Variants in WASHC4 observed in about 807,000 individuals in gnomAD.
WASHC4 encodes the protein WASH complex subunit 4, also known as WASH complex subunit 7.
In WASHC4, 86 loss-of-function variants were observed where a neutral mutation model predicts 166.6. The observed-to-expected ratio is 0.52, with a 90% CI of 0.43 to 0.62. WASHC4 has a LOEUF of 0.62. Among genes scored for constraint, WASHC4 ranks in the 20% least tolerant of loss-of-function variants. The pLI is 0.00. For synonymous variants in WASHC4, 446 were observed against 451.6 expected, an observed-to-expected ratio of 0.99 and a Z score of 0.16; for missense variants, 1,262 against 1,382.4, an observed-to-expected ratio of 0.91 and a Z score of 1.38.
intron 21 of WASHC4, 78 bp from the exon 22 acceptor site, chr12:105,144,640 G>A: frequency 4.5e-6 from 2 of 442,952 alleles, no homozygotes; most frequent in East Asian, 1.4e-4. Context: ...TCAAGGACAA[G>A]TTGTTGTTTT....
intron 32 of WASHC4, among the ~76,000 whole-genome samples, chr12:105,165,460 T>G (rs1285596997): frequency 6.6e-6 from 1 of 152,200 alleles, no homozygotes; most frequent in Non-Finnish European, 1.5e-5. Flanking sequence ...ATGGATATTA[T>G]ATAGCATACA....
rs1345000952 is a variant in WASHC4, at chr12:105,164,675, C to G, written c.3389C>G (p.Ala1130Gly). 2 of 1,613,268 alleles carry G rather than the reference C, an allele frequency of 1.2e-6. No homozygotes were observed. The highest frequency in any genetic ancestry group is 1.7e-6 in the Non-Finnish European group (2 of 1,179,544). ...FELLYFSLSSARIFFRADKTA... is the reference protein window; with the variant it reads ...FELLYFSLSSGRIFFRADKTA... Reference sequence around the variant, plus strand: ...TTGCTGTATTTCTCACTGAGCAGTGCAAGAATTTTCTTCAGAGCAGACAAG... The same window carrying G: ...TTGCTGTATTTCTCACTGAGCAGTGGAAGAATTTTCTTCAGAGCAGACAAG... The change falls in exon 32 of 33, where the codon GCA becomes GGA. Residue 1130 changes from alanine to glycine, a missense_variant. Transcript: ENST00000332180.
intron 27 of WASHC4, among the ~76,000 whole-genome samples, 199 bp from the exon 28 acceptor site, chr12:105,157,037 T>C (rs1884206468): frequency 6.6e-6 from 1 of 152,232 alleles, no homozygotes; most frequent in African/African-American, 2.4e-5. Context: ...AAAGATTACA[T>C]GATTTTAAGG....
intron 2 of WASHC4, among the ~76,000 whole-genome samples, chr12:105,113,153 T>C (rs1471755776): frequency 1.3e-5 from 2 of 152,188 alleles, no homozygotes; most frequent in Admixed American, 6.5e-5. Context: ...TAGGAAACTG[T>C]CATTCTCAAC....
At chr12:105,144,511 C>G (rs1592896503) in intron 21 of WASHC4, 56 bp downstream of exon 21, 1 of 1,315,258 alleles carries the variant, frequency 7.6e-7, no homozygotes, top group East Asian at 2.3e-5. Context: ...TTTTTTTTAC[C>G]CTACTGTTAA....
At chr12:105,124,856 A>C (rs894653136) in intron 10 of WASHC4, among the ~76,000 whole-genome samples, 4 of 152,208 alleles carry the variant, frequency 2.6e-5, no homozygotes, top group Non-Finnish European at 5.9e-5. Context: ...TTGGGTTTGC[A>C]CAGTCTAGTA....
intron 10 of WASHC4, among the ~76,000 whole-genome samples, chr12:105,125,208 G>T (rs1881170158): frequency 6.6e-6 from 1 of 152,090 alleles, no homozygotes. Context: ...TGCTTTTGAA[G>T]TGTGCACGGG....
chr12:105,115,690 T>G lies in WASHC4; in HGVS notation c.397T>G (p.Cys133Gly). Residue 133 changes from cysteine (C) to glycine (G), a missense_variant, in exon 6 of 33, where the codon TGC (cysteine) becomes GGC (glycine). By Grantham distance (159) the Cys-to-Gly change is radical (BLOSUM62 -3). Transcript: ENST00000332180. ...ATDASMVEGD[C>G]QIQMGRFISF... ...AGATGCCAGCATGGTGGAAGGTGAT[T>G]GCCAAATTCAAATGGGGAGATTTAT... The G allele has an allele frequency of 6.2e-7, 1 of 1,610,400 alleles. No individual in the cohort carries two copies. The highest frequency in any genetic ancestry group is 8.5e-7 in the Non-Finnish European group (1 of 1,176,776).
intron 13 of WASHC4, among the ~76,000 whole-genome samples, chr12:105,133,317 C>G (rs922038332): frequency 6.6e-6 from 1 of 152,194 alleles, no homozygotes; most frequent in Non-Finnish European, 1.5e-5. Context: ...ATGAATTACT[C>G]ATTCATCTGC....
intron 29 of WASHC4, among the ~76,000 whole-genome samples, chr12:105,160,617 G>C (rs1018709245): frequency 2.6e-5 from 4 of 152,168 alleles, no homozygotes; most frequent in Admixed American, 6.5e-5. Flanking sequence ...CTCCCAAAGT[G>C]CTGAGATTAC....
chr12:105,130,500 AT>A (rs1251940490), intron 13 of WASHC4, among the ~76,000 whole-genome samples: 1 of 152,170 alleles, frequency 6.6e-6, no homozygotes, highest in African/African-American at 2.4e-5. Flanking sequence ...GGGCACAGTT[AT>A]TTTTTTCAGT....
rs117908738 is a variant in WASHC4, at chr12:105,162,981, C to T, written c.3157+136C>T. ...TTTTTTCTTTTTTATTTTTTTGAGA[C>T]AGAGTCTCGTCTCGCTCTGTTGCCC... is the stretch of plus-strand genomic sequence containing the variant. On this transcript the variant is annotated intron_variant, in intron 30 of 32. Coordinates refer to ENST00000332180, the MANE Select transcript of WASHC4 (RefSeq NM_015275.3). 1,373 of 545,696 alleles carry T rather than the reference C, an allele frequency of 2.5e-3. 2 individuals carry two copies. The highest frequency in any genetic ancestry group is 3.5e-3 in the Non-Finnish European group (1,104 of 312,168). 33.8% of individuals were successfully genotyped at this position (545,696 alleles called of 1,614,324 possible). A position where few individuals can be genotyped will look rare whatever the true frequency, so the allele number is the denominator to read the frequency against.
intron 6 of WASHC4, 138 bp from the exon 7 acceptor site, chr12:105,118,308 C>T: frequency 1.4e-6 from 1 of 715,390 alleles, no homozygotes; most frequent in Non-Finnish European, 2.6e-6. Context: ...GATGCTTGAA[C>T]TTGTCTGGCT....
intron 16 of WASHC4, 130 bp downstream of exon 16, chr12:105,140,531 T>C: frequency 1.4e-6 from 1 of 726,360 alleles, no homozygotes; most frequent in Non-Finnish European, 2.3e-6. Context: ...CGGTTATTTA[T>C]CTCCATAGTA....
At chr12:105,160,775 A>G (rs2135840345) in intron 29 of WASHC4, among the ~76,000 whole-genome samples, 1 of 152,300 alleles carries the variant, frequency 6.6e-6, no homozygotes, top group East Asian at 1.9e-4. Context: ...TTAAGTGCTT[A>G]ATGTAGAATA....
At chr12:105,157,093 A>T (rs1884211754) in intron 27 of WASHC4, 143 bp from the exon 28 acceptor site, 3 of 632,824 alleles carry the variant, frequency 4.7e-6, no homozygotes, top group Non-Finnish European at 8.4e-6. Flanking sequence ...TAAAGTGGTG[A>T]TATGAATAAT....
At position 105,121,089 on chromosome 12, in the gene WASHC4, G is replaced by A. The variant is rs1207146546; in HGVS notation, c.562-12G>A. On this transcript the variant is annotated splice_polypyrimidine_tract_variant and intron_variant, in intron 8 of 32. Transcript: ENST00000332180. ...AGTGACTAAATGATAATCATTAAAG[G>A]TTTTTTGACAGACTATGTATGAGCA... is the stretch of plus-strand genomic sequence containing the variant. The A allele has an allele frequency of 4.4e-6, 7 of 1,590,904 alleles. No individual in the cohort carries two copies. The highest frequency in any genetic ancestry group is 6.0e-6 in the Non-Finnish European group (7 of 1,159,674).
intron 10 of WASHC4, 68 bp from the exon 11 acceptor site, chr12:105,125,935 TA>T (rs1881239065): frequency 7.0e-7 from 1 of 1,424,776 alleles, no homozygotes; most frequent in Non-Finnish European, 9.8e-7. Flanking sequence ...GTATTTAGTG[TA>T]TGATATTTAA....
At chr12:105,121,383 T>C (rs780900560) in intron 9 of WASHC4, among the ~76,000 whole-genome samples, 179 bp downstream of exon 9, 2 of 152,200 alleles carry the variant, frequency 1.3e-5, no homozygotes, top group Non-Finnish European at 2.9e-5. Context: ...TTCACATGAG[T>C]TTGTTGGGAC....
Sources: allele counts gnomAD v4.1 joint callset (sites outside exome capture counted in the v4.1 genomes callset), GRCh38; gene constraint gnomAD v4.1.1; transcripts MANE v1.5; gene names NCBI Gene and HGNC (gene_info 2026-07-23, HGNC 2026-07-21).